TBC1D1: variants seen among roughly 807,000 people sequenced by gnomAD.
The protein encoded by TBC1D1 is TBC1 domain family member 1, also known as TBC1 (tre-2/USP6, BUB2, cdc16) domain family, member 1.
A neutral mutation model predicts 125.6 loss-of-function variants in TBC1D1; 89 were observed. The observed-to-expected ratio is 0.71, with a 90% CI of 0.60 to 0.85. The LOEUF (loss-of-function observed/expected upper bound fraction) is 0.85. Among genes scored for constraint, TBC1D1 ranks in the 40% least tolerant of loss-of-function variants. TBC1D1 has a pLI of 0.00. For synonymous variants in TBC1D1, 565 were observed against 564.1 expected (o/e 1.00, Z -0.02); for missense variants, 1,377 against 1,469.2 (o/e 0.94, Z 1.03).
chr4:38,038,362 A>G (rs550508959), intron 8 of TBC1D1, among the ~76,000 whole-genome samples: 3 of 152,346 alleles, frequency 2.0e-5, no homozygotes, highest in Non-Finnish European at 4.4e-5. Flanking sequence ...GAGCACTCAT[A>G]TACCCACCAT....
At chr4:37,892,596 G>A (rs1478863932) in intron 1 of TBC1D1, among the ~76,000 whole-genome samples, 2 of 151,992 alleles carry the variant, frequency 1.3e-5, no homozygotes, top group Non-Finnish European at 2.9e-5. Flanking sequence ...CAAACCAGGA[G>A]AATAGGAAAA....
At chr4:37,959,014 A>G (rs1247625945) in intron 2 of TBC1D1, among the ~76,000 whole-genome samples, 1 of 152,180 alleles carries the variant, frequency 6.6e-6, no homozygotes, top group Non-Finnish European at 1.5e-5. Flanking sequence ...CAATCAGTTG[A>G]TATACCAGGT....
chr4:37,900,733 C>A lies in TBC1D1; in HGVS notation c.-93-1270C>A, dbSNP rs574500296. Among the ~76,000 whole-genome samples, 3 of 152,190 alleles carry A rather than the reference C, an allele frequency of 2.0e-5. No individual in the cohort carries two copies. In the South Asian group the frequency reaches 6.2e-4, roughly 32 times the overall value. ...GCTTTGAACAAAAGGGTTTTGTCAT[C>A]CAATAGGACAAGAAGGCGTTAGGAT... On this transcript the variant is annotated intron_variant, in intron 1 of 19. Transcript: ENST00000261439.
At chr4:38,075,039 G>A (rs1011631271) in intron 12 of TBC1D1, among the ~76,000 whole-genome samples, 1 of 152,132 alleles carries the variant, frequency 6.6e-6, no homozygotes, top group Non-Finnish European at 1.5e-5. Flanking sequence ...GATTACAGGC[G>A]TGAGCCACCG....
At chr4:38,117,328 C>A (rs994353447) in intron 16 of TBC1D1, among the ~76,000 whole-genome samples, 1 of 152,050 alleles carries the variant, frequency 6.6e-6, no homozygotes, top group Non-Finnish European at 1.5e-5. Context: ...CAGATCTGGG[C>A]TGGCTCTCGG....
chr4:37,999,747 C>T lies in TBC1D1; in HGVS notation c.418-14762C>T, dbSNP rs189159183. The stretch of plus-strand genomic sequence containing the variant: ...AGTGGTTGTCAGATGTGAGCTGCAA[C>T]CTAATTAACAGTTTATTGAAATGAG... On this transcript the variant is annotated intron_variant, in intron 2 of 19. Transcript: ENST00000261439. Among the ~76,000 whole-genome samples, 1,008 of 152,246 alleles carry T rather than the reference C, an allele frequency of 6.6e-3. 28 individuals carry two copies. Among genetic ancestry groups the T allele is most frequent in the Non-Finnish European group, 4.0e-3 (272 of 68,008 alleles).
At position 38,032,176 on chromosome 4, in the gene TBC1D1, A is replaced by T. The variant is rs140194852; in HGVS notation, c.1303-3412A>T. 5.6e-3 allele frequency among the ~76,000 whole-genome samples: 850 copies of T among 152,270 alleles called. 10 individuals are homozygous for T. Among genetic ancestry groups the T allele is most frequent in the African/African-American group, 0.02 (815 of 41,572 alleles). Reference sequence around the variant, plus strand: ...TCTATGGCAAATACAAAAATTAGCCAGGCATGGTGGTGCGCACCTGTAGTC... The same window carrying T: ...TCTATGGCAAATACAAAAATTAGCCTGGCATGGTGGTGCGCACCTGTAGTC... On this transcript the variant is annotated intron_variant, in intron 7 of 19. Coordinates refer to ENST00000261439, the MANE Select transcript of TBC1D1 (RefSeq NM_015173.4).
chr4:37,901,023 G>A (rs1372295616), intron 1 of TBC1D1, among the ~76,000 whole-genome samples: 3 of 150,644 alleles, frequency 2.0e-5, no homozygotes, highest in Non-Finnish European at 3.0e-5. Context: ...AGTGAGCCAC[G>A]ATCGTGCCAC....
chr4:38,125,077 A>G lies in TBC1D1; in HGVS notation c.3078A>G (p.Ile1026Met). ...ACCTAGAAACCATAGTTGACTTTAT[A>G]AAAAGCACGCTACCCAACCTTGGCT... Residue 1026 changes from isoleucine (I) to methionine (M), a missense_variant, in exon 18 of 20, where the codon ATA becomes ATG. Around this residue, in one of 3 missense-constraint regions of TBC1D1, gnomAD observed 543 missense variants for 613.5 expected, o/e 0.89. Transcript: ENST00000261439. 1 of 1,614,144 alleles carries G rather than the reference A, an allele frequency of 6.2e-7. No homozygotes were observed. Among genetic ancestry groups the G allele is most frequent in the Non-Finnish European group, 8.5e-7 (1 of 1,180,014 alleles).
intron 2 of TBC1D1, among the ~76,000 whole-genome samples, chr4:37,991,076 A>T (rs979253116): frequency 1.3e-5 from 2 of 151,614 alleles, no homozygotes; most frequent in Non-Finnish European, 2.9e-5. Flanking sequence ...GGTGGGGGGA[A>T]GGTGGTGAAG....
chr4:37,901,562 G>A lies in TBC1D1; in HGVS notation c.-93-441G>A, dbSNP rs200123244. On this transcript the variant is annotated intron_variant, in intron 1 of 19. Transcript: ENST00000261439. The stretch of plus-strand genomic sequence containing the variant: ...TAAGACAATGTTTGCAACATAATAG[G>A]CACTGAAGACATGTTAATGGAAGGT... Among the ~76,000 whole-genome samples, 4 of 152,282 alleles carry A rather than the reference G, an allele frequency of 2.6e-5. No individual in the cohort carries two copies. The East Asian group carries it at 7.7e-4, about 29-fold the overall frequency.
intron 12 of TBC1D1, among the ~76,000 whole-genome samples, chr4:38,072,372 G>A (rs1339981319): frequency 6.6e-6 from 1 of 152,196 alleles, no homozygotes; most frequent in African/African-American, 2.4e-5. Context: ...TTTAAATGTG[G>A]ACCCCGTGAG....
intron 2 of TBC1D1, among the ~76,000 whole-genome samples, chr4:37,915,453 C>A (rs1047407170): frequency 2.0e-5 from 3 of 152,126 alleles, no homozygotes; most frequent in Non-Finnish European, 2.9e-5. Context: ...CCGGGAGAAC[C>A]AAGGGAAGGG....
At chr4:38,024,367 C>G (rs1254175725) in intron 6 of TBC1D1, among the ~76,000 whole-genome samples, 2 of 152,152 alleles carry the variant, frequency 1.3e-5, no homozygotes, top group Non-Finnish European at 2.9e-5. Flanking sequence ...TAAAGCAGAG[C>G]ACGATCTGCA....
Position 38,133,265 on chromosome 4 carries a change from A to G in TBC1D1, c.3306+8A>G. 2 of 1,608,112 alleles carry G rather than the reference A, an allele frequency of 1.2e-6. No individual in the cohort carries two copies. The highest frequency in any genetic ancestry group is 1.1e-5 in the South Asian group (1 of 89,982). ...CTCCTTGAACAGTTGCAGGTAGAGCATATTTATAAAGCAGCTTCCTGAATC... is the reference window on the plus strand; with the variant it reads ...CTCCTTGAACAGTTGCAGGTAGAGCGTATTTATAAAGCAGCTTCCTGAATC... On this transcript the variant is annotated splice_region_variant and intron_variant, in intron 19 of 19. Transcript: ENST00000261439.
chr4:37,926,727 GC>G (rs572470334), intron 2 of TBC1D1, among the ~76,000 whole-genome samples: 63 of 152,224 alleles, frequency 4.1e-4, no homozygotes, highest in Non-Finnish European at 7.6e-4. Flanking sequence ...TTTGGCCACT[GC>G]CACCAACTCT....
At chr4:38,124,697 T>C (rs1415661512) in intron 17 of TBC1D1, among the ~76,000 whole-genome samples, 4 of 152,244 alleles carry the variant, frequency 2.6e-5, no homozygotes, top group African/African-American at 9.6e-5. Context: ...ATAAAACCTT[T>C]TTCCCTTTCC....
intron 12 of TBC1D1, among the ~76,000 whole-genome samples, chr4:38,087,449 A>G (rs1398367067): frequency 6.6e-6 from 1 of 152,212 alleles, no homozygotes; most frequent in African/African-American, 2.4e-5. Flanking sequence ...AGGAATTTTC[A>G]AGACCCTGGG....
At chr4:37,942,116 C>T (rs1006721693) in intron 2 of TBC1D1, among the ~76,000 whole-genome samples, 1 of 152,126 alleles carries the variant, frequency 6.6e-6, no homozygotes, top group African/African-American at 2.4e-5. Context: ...CTAATGTTGA[C>T]AGTGGGGTGT....
Sources: allele counts gnomAD v4.1 joint callset (sites outside exome capture counted in the v4.1 genomes callset), GRCh38; gene constraint gnomAD v4.1.1; regional missense constraint gnomAD v4.1.1; transcripts MANE v1.5; gene names NCBI Gene and HGNC (gene_info 2026-07-23, HGNC 2026-07-21).